The following DIAPH1 variants were observed in gnomAD, a reference collection of about 807,000 sequenced individuals.
DIAPH1 encodes the protein protein diaphanous homolog 1.
DIAPH1 carries 46 observed loss-of-function variants against 140.7 expected under a neutral mutation model. The ratio of observed to expected loss-of-function variants is 0.33; its 90% CI spans 0.26 to 0.42. The LOEUF (loss-of-function observed/expected upper bound fraction) is 0.42, where lower values mean the gene tolerates loss of function less well. Among genes scored for constraint, DIAPH1 ranks in the 10% least tolerant of loss-of-function variants. The pLI, the probability that DIAPH1 is intolerant of heterozygous loss-of-function variation, is 1.00. For synonymous variants in DIAPH1, 565 were observed against 551.6 expected, an observed-to-expected ratio of 1.02 and a Z score of -0.34; for missense variants, 1,310 against 1,558.7, an observed-to-expected ratio of 0.84 and a Z score of 2.69.
intron 18 of DIAPH1, among the ~76,000 whole-genome samples, chr5:141,570,406 G>A (rs545144348): frequency 6.6e-6 from 1 of 152,208 alleles, no homozygotes; most frequent in East Asian, 1.9e-4. Flanking sequence ...ACTTTGGCAT[G>A]GAAGGTGACA....
intron 18 of DIAPH1, among the ~76,000 whole-genome samples, chr5:141,556,101 G>C (rs557098344): frequency 1.3e-5 from 2 of 152,238 alleles, no homozygotes; most frequent in South Asian, 4.1e-4. Flanking sequence ...ACTTTCATCT[G>C]ATCATTTGCA....
intron 18 of DIAPH1, among the ~76,000 whole-genome samples, chr5:141,561,055 C>T (rs1235051109): frequency 6.6e-6 from 1 of 151,842 alleles, no homozygotes; most frequent in Non-Finnish European, 1.5e-5. Flanking sequence ...CAAAATAGCT[C>T]AACTGCGCGC....
At chr5:141,517,105 G>T in intron 27 of DIAPH1, 97 bp from the exon 28 acceptor site, 2 of 1,443,022 alleles carry the variant, frequency 1.4e-6, no homozygotes, top group South Asian at 1.2e-5. Flanking sequence ...ATGCAGACAT[G>T]ACTACCTTGG....
At chr5:141,526,543 G>A in intron 24 of DIAPH1, 82 bp from the exon 25 acceptor site, 11 of 1,542,604 alleles carry the variant, frequency 7.1e-6, no homozygotes, top group Non-Finnish European at 9.9e-6. Flanking sequence ...TCAAAGATGA[G>A]TACTGGCATG....
intron 19 of DIAPH1, 69 bp downstream of exon 19, chr5:141,534,266 T>A (rs2099888699): frequency 8.1e-7 from 1 of 1,240,488 alleles, no homozygotes; most frequent in African/African-American, 1.5e-5. Flanking sequence ...GACCATAGAT[T>A]CAAGAGAATT....
chr5:141,604,493 C>G (rs1301719789), intron 1 of DIAPH1, among the ~76,000 whole-genome samples: 1 of 152,118 alleles, frequency 6.6e-6, no homozygotes, highest in African/African-American at 2.4e-5. Flanking sequence ...TCCCAATCGC[C>G]GTAGCAACTG....
chr5:141,592,156 A>G (rs544617634), intron 1 of DIAPH1, among the ~76,000 whole-genome samples: 1 of 152,146 alleles, frequency 6.6e-6, no homozygotes, highest in Non-Finnish European at 1.5e-5. Context: ...GGGGAAGGAC[A>G]GCAAACATGA....
chr5:141,533,833 G>A (rs1199905006), intron 19 of DIAPH1, among the ~76,000 whole-genome samples: 3 of 152,112 alleles, frequency 2.0e-5, no homozygotes, highest in African/African-American at 7.2e-5. Context: ...GAGCCCAGGA[G>A]TTTGAGACCA....
chr5:141,599,210 T>C (rs76343310), intron 1 of DIAPH1, among the ~76,000 whole-genome samples: 1,792 of 152,280 alleles, frequency 0.012, 41 homozygotes, highest in African/African-American at 0.041. Flanking sequence ...ACAGAGTACA[T>C]TCTACATAGC....
At chr5:141,588,393 G>T in intron 1 of DIAPH1, 143 bp from the exon 2 acceptor site, 3 of 636,126 alleles carry the variant, frequency 4.7e-6, no homozygotes, top group Non-Finnish European at 3.0e-6. Flanking sequence ...AATGATTTCT[G>T]TCAAAGTATT....
chr5:141,582,162 T>G (rs1185475743), intron 7 of DIAPH1, 150 bp downstream of exon 7: 9 of 670,656 alleles, frequency 1.3e-5, no homozygotes, highest in Middle Eastern at 2.4e-4. Context: ...CAGAAGCATG[T>G]ATATGTGGCA....
At chr5:141,560,310 T>A (rs1355596819) in intron 18 of DIAPH1, among the ~76,000 whole-genome samples, 3 of 152,216 alleles carry the variant, frequency 2.0e-5, no homozygotes, top group African/African-American at 7.2e-5. Flanking sequence ...ACACTGTCAG[T>A]CACTGGAAGC....
intron 18 of DIAPH1, among the ~76,000 whole-genome samples, chr5:141,545,704 A>G (rs1473734380): frequency 1.3e-5 from 2 of 152,190 alleles, no homozygotes; most frequent in Non-Finnish European, 2.9e-5. Context: ...TTAAGCAAAT[A>G]AAGAAATAAA....
intron 18 of DIAPH1, among the ~76,000 whole-genome samples, chr5:141,554,029 A>G (rs1197046606): frequency 6.6e-6 from 1 of 152,206 alleles, no homozygotes; most frequent in Non-Finnish European, 1.5e-5. Flanking sequence ...CTGTAATCCC[A>G]GTACTTTGGG....
intron 17 of DIAPH1, 77 bp downstream of exon 17, chr5:141,571,849 G>A (rs757011334): frequency 9.8e-7 from 1 of 1,018,762 alleles, no homozygotes; most frequent in Non-Finnish European, 1.6e-6. Flanking sequence ...CCAGGGAAGG[G>A]AAGGGAATAG....
At chr5:141,577,351 A>G (rs1214138299) in intron 12 of DIAPH1, 124 bp downstream of exon 12, 2 of 790,430 alleles carry the variant, frequency 2.5e-6, no homozygotes, top group African/African-American at 3.4e-5. Flanking sequence ...TCGGTGACTA[A>G]TGAACCCTAA....
rs868531732 is a variant in DIAPH1 at position 141,527,694 on chromosome 5, G to C, written c.3152C>G (p.Ser1051Cys). ...TAGGTTCTTTTGCAAGTTTTCAGCA[G>C]AAACTAAAAAAAAAAAAAAAAAAAA... ...LAHVEKASRV[S>C]AENLQKNLDQ... The change falls in exon 24 of 28, where the codon TCT becomes TGT. Residue 1051 changes from serine to cysteine, a missense_variant. Physicochemically the swap from Ser to Cys is moderately radical, Grantham distance 112. This residue lies in a region of DIAPH1 where 344 missense variants were observed against 512.2 expected (regional missense o/e 0.67). Transcript: ENST00000389054. The C allele has an allele frequency of 4.5e-4, 204 of 457,980 alleles. No homozygotes were observed. The highest frequency in any genetic ancestry group is 5.5e-4 in the Non-Finnish European group (177 of 320,208). The allele number at this position is 457,980 out of a possible 1,614,324, so 28.4% of individuals were successfully genotyped here.
At chr5:141,583,745 T>C (rs531917679) in intron 4 of DIAPH1, 130 bp from the exon 5 acceptor site, 1 of 1,295,718 alleles carries the variant, frequency 7.7e-7, no homozygotes, top group African/African-American at 1.5e-5. Flanking sequence ...CTTACTACGT[T>C]GCCCAGGCTG....
intron 18 of DIAPH1, chr5:141,563,438 C>T (rs2099893900): frequency 6.6e-6 from 1 of 152,070 alleles, no homozygotes; most frequent in African/African-American, 2.4e-5. Context: ...TTAATTCACA[C>T]CATTAACATG....
Sources: gnomAD v4.1 joint callset for allele counts (sites outside exome capture counted in the v4.1 genomes callset) on GRCh38, gnomAD v4.1.1 for gene constraint, gnomAD v4.1.1 regional missense constraint, MANE v1.5 for transcripts, NCBI Gene and HGNC (gene_info 2026-07-23, HGNC 2026-07-21) for gene names.